The following EPRS1 variants were observed in gnomAD, a reference collection of about 807,000 sequenced individuals.
EPRS1 encodes glutamyl-prolyl-tRNA synthetase 1, also known as bifunctional glutamate/proline--tRNA ligase.
In EPRS1, 107 loss-of-function variants were observed where a neutral mutation model predicts 188.3. The ratio of observed to expected loss-of-function variants is 0.57; its 90% CI spans 0.49 to 0.67. EPRS1 has a LOEUF of 0.67. Ranked by LOEUF, EPRS1 falls within the 30% of genes least tolerant of loss-of-function variation. EPRS1 has a pLI of 0.00. For missense variants in EPRS1, 1,577 were observed against 1,802.2 expected (o/e 0.88, Z 2.26); for synonymous variants, 596 against 593.1 (o/e 1.00, Z -0.07).
intron 19 of EPRS1, among the ~76,000 whole-genome samples, chr1:219,988,250 G>C (rs1661047579): frequency 1.3e-5 from 2 of 152,102 alleles, no homozygotes; most frequent in African/African-American, 4.8e-5. Flanking sequence ...TGAAAAACAA[G>C]GTAAATATTA....
In EPRS1 at chr1:220,022,368, G is replaced by A. The variant is rs1661894099; in HGVS notation, c.1094C>T (p.Pro365Leu). Residue 365 changes from proline (P) to leucine (L), a missense_variant, in exon 9 of 32, where the codon CCA becomes CTA. Pro to Leu is a moderately conservative substitution (Grantham distance 98, BLOSUM62 -3). Transcript: ENST00000366923. ...TLYRCKIQPHPRTGNKYNVYP... is the reference protein window; with the variant it reads ...TLYRCKIQPHLRTGNKYNVYP... Reference sequence around the variant, plus strand: ...TTACTTGTATTTATTTCCAGTTCTTGGATGTGGTTGAATTTTGCAGCGATA... The same window carrying A: ...TTACTTGTATTTATTTCCAGTTCTTAGATGTGGTTGAATTTTGCAGCGATA... 1 of 1,613,162 alleles carries A rather than the reference G, an allele frequency of 6.2e-7. No individual in the cohort carries two copies. The highest frequency in any genetic ancestry group is 1.7e-5 in the Admixed American group (1 of 59,818).
chr1:220,003,722 C>T (rs923381007), intron 16 of EPRS1, among the ~76,000 whole-genome samples: 14 of 152,156 alleles, frequency 9.2e-5, no homozygotes, highest in Non-Finnish European at 1.3e-4. Flanking sequence ...ACCACCATTA[C>T]TAAATACTTA....
chr1:219,985,453 T>C (rs1188395453), intron 20 of EPRS1, among the ~76,000 whole-genome samples: 1 of 152,138 alleles, frequency 6.6e-6, no homozygotes, highest in Non-Finnish European at 1.5e-5. Flanking sequence ...AGTGCACTGG[T>C]GCAATCTAGA....
intron 2 of EPRS1, among the ~76,000 whole-genome samples, chr1:220,036,877 T>C (rs1159391519): frequency 6.6e-6 from 1 of 151,804 alleles, no homozygotes; most frequent in Non-Finnish European, 1.5e-5. Flanking sequence ...ACAAAAATAC[T>C]GCAATCATAA....
At chr1:220,023,305 T>C (rs941566672) in intron 8 of EPRS1, among the ~76,000 whole-genome samples, 1 of 152,162 alleles carries the variant, frequency 6.6e-6, no homozygotes, top group Non-Finnish European at 1.5e-5. Context: ...ATAATCAAGA[T>C]AGGTCTAAAA....
intron 30 of EPRS1, 47 bp downstream of exon 30, chr1:219,972,022 A>T: frequency 1.7e-6 from 2 of 1,198,830 alleles, no homozygotes; most frequent in Non-Finnish European, 1.2e-6. Context: ...TTAAAATACA[A>T]TTTACTTAAA....
intron 8 of EPRS1, among the ~76,000 whole-genome samples, chr1:220,023,904 G>A (rs558022003): frequency 2.0e-5 from 3 of 152,004 alleles, no homozygotes; most frequent in South Asian, 4.2e-4. Context: ...CTGTAATCCC[G>A]GCACTTTGGG....
chr1:220,041,851 T>A (rs191070149), intron 1 of EPRS1, among the ~76,000 whole-genome samples: 1 of 150,340 alleles, frequency 6.7e-6, no homozygotes, highest in African/African-American at 2.4e-5. Context: ...AAAAAAAAGA[T>A]GGACAACTAG....
chr1:220,010,808 C>CAAAA (rs34170326), intron 13 of EPRS1, 138 bp downstream of exon 13: 6 of 411,786 alleles, frequency 1.5e-5, no homozygotes, highest in African/African-American at 4.5e-5. Context: ...GACTACGTCT[C>CAAAA]AAAAAAAAAA....
At position 220,022,313 on chromosome 1, in the gene EPRS1, T is replaced by A. The variant is rs12080607; in HGVS notation, c.1115+34A>T. ...AAGAAGATCAAAACAAAAGCACAGA[T>A]GGCTACCTAGCATATTGAAGGAGAT... On this transcript the variant is annotated intron_variant, in intron 9 of 31. Transcript: ENST00000366923. 0.014 allele frequency: 21,989 copies of A among 1,570,390 alleles called. 1,790 individuals carry two copies. In the African/African-American group the frequency reaches 0.21, roughly 15 times the overall value.
intron 29 of EPRS1, among the ~76,000 whole-genome samples, chr1:219,972,675 T>C (rs984286779): frequency 1.3e-5 from 2 of 152,226 alleles, no homozygotes; most frequent in Non-Finnish European, 2.9e-5. Flanking sequence ...ACTAATCTTC[T>C]GGTGCCTCTG....
At chr1:219,983,480 T>A (rs1660939195) in intron 21 of EPRS1, 82 bp from the exon 22 acceptor site, 1 of 964,414 alleles carries the variant, frequency 1.0e-6, no homozygotes, top group Admixed American at 2.6e-5. Context: ...TAACCAAAAT[T>A]CAAATCTGGA....
intron 3 of EPRS1, among the ~76,000 whole-genome samples, chr1:220,034,177 A>G (rs551245265): frequency 6.6e-6 from 1 of 152,368 alleles, no homozygotes; most frequent in South Asian, 2.1e-4. Flanking sequence ...GACAGACTGC[A>G]TATATGACAA....
intron 18 of EPRS1, among the ~76,000 whole-genome samples, chr1:219,989,889 C>T (rs1019110758): frequency 6.6e-6 from 1 of 151,976 alleles, no homozygotes; most frequent in African/African-American, 2.4e-5. Context: ...AGAGTTTTCA[C>T]AGCAGAAACT....
chr1:220,042,399 C>T (rs531095583), intron 1 of EPRS1, among the ~76,000 whole-genome samples: 2 of 148,932 alleles, frequency 1.3e-5, no homozygotes, highest in South Asian at 4.3e-4. Flanking sequence ...AGGAGAATTG[C>T]TCGAACCTGG....
intron 30 of EPRS1, among the ~76,000 whole-genome samples, chr1:219,970,734 C>T (rs371078244): frequency 1.6e-3 from 236 of 149,744 alleles, no homozygotes; most frequent in African/African-American, 5.4e-3. Context: ...GCCGAGATCA[C>T]GGCACTGTAC....
chr1:220,046,191 GCCT>G, intron 1 of EPRS1, 149 bp downstream of exon 1: 2 of 879,346 alleles, frequency 2.3e-6, no homozygotes, highest in Non-Finnish European at 3.5e-6. Flanking sequence ...GGGGTGCGGA[GCCT>G]CCTCCACGTA....
chr1:219,992,031 A>G (rs1036575456), intron 18 of EPRS1, among the ~76,000 whole-genome samples: 1 of 152,208 alleles, frequency 6.6e-6, no homozygotes, highest in African/African-American at 2.4e-5. Flanking sequence ...AACATCAAGA[A>G]AAAGATAGGC....
intron 17 of EPRS1, among the ~76,000 whole-genome samples, chr1:219,997,665 T>C (rs1451695466): frequency 6.6e-6 from 1 of 152,218 alleles, no homozygotes; most frequent in African/African-American, 2.4e-5. Flanking sequence ...ATCACTGCTC[T>C]ACCACATACT....
Sources: gnomAD v4.1 joint callset for allele counts (sites outside exome capture counted in the v4.1 genomes callset) on GRCh38, gnomAD v4.1.1 for gene constraint, MANE v1.5 for transcripts, NCBI Gene and HGNC (gene_info 2026-07-23, HGNC 2026-07-21) for gene names.